LRP1B: variants seen among roughly 807,000 people sequenced by gnomAD.
LRP1B encodes the protein low-density lipoprotein receptor-related protein 1B.
A neutral mutation model predicts 556.6 loss-of-function variants in LRP1B; 217 were observed. The ratio of observed to expected loss-of-function variants is 0.39; its 90% CI spans 0.35 to 0.44. The LOEUF (loss-of-function observed/expected upper bound fraction) is 0.44, where lower values mean the gene tolerates loss of function less well. Ranked by LOEUF, LRP1B falls within the 20% of genes least tolerant of loss-of-function variation. The pLI, the probability that LRP1B is intolerant of heterozygous loss-of-function variation, is 1.00. For missense variants in LRP1B, 5,053 were observed against 5,620.8 expected (o/e 0.90, Z 3.23); for synonymous variants, 2,047 against 1,865.8 (o/e 1.10, Z -2.50).
chr2:141,507,052 T>C (rs1165605141), intron 2 of LRP1B, among the ~76,000 whole-genome samples: 5 of 152,160 alleles, frequency 3.3e-5, no homozygotes, highest in Admixed American at 3.3e-4. Flanking sequence ...TCATCTCAAA[T>C]GGTTGTATGT....
At chr2:141,606,386 C>T (rs1181032526) in intron 2 of LRP1B, among the ~76,000 whole-genome samples, 1 of 152,042 alleles carries the variant, frequency 6.6e-6, no homozygotes, top group East Asian at 1.9e-4. Flanking sequence ...TAATATAAAA[C>T]ATTAAGCTAA....
chr2:141,018,567 A>G (rs1319514410), intron 12 of LRP1B, among the ~76,000 whole-genome samples: 1 of 152,108 alleles, frequency 6.6e-6, no homozygotes, highest in Non-Finnish European at 1.5e-5. Flanking sequence ...TTTCTTCTAA[A>G]TTATATGTTT....
chr2:140,889,608 T>C (rs1693739575), intron 23 of LRP1B, among the ~76,000 whole-genome samples: 1 of 152,168 alleles, frequency 6.6e-6, no homozygotes, highest in Admixed American at 6.5e-5. Context: ...TTCTTAAACA[T>C]TTATAAATCC....
chr2:140,671,508 G>A (rs1476530049), intron 41 of LRP1B, among the ~76,000 whole-genome samples: 5 of 152,088 alleles, frequency 3.3e-5, no homozygotes, highest in Non-Finnish European at 2.9e-5. Flanking sequence ...GCAACAGAGC[G>A]AGACTCCATC....
chr2:140,312,963 G>C (rs1684373716), intron 83 of LRP1B, among the ~76,000 whole-genome samples: 1 of 151,852 alleles, frequency 6.6e-6, no homozygotes, highest in South Asian at 2.1e-4. Flanking sequence ...TAGTTATATA[G>C]TGTCCACACA....
rs1700987223 is a variant in LRP1B, at chr2:141,947,509, C to G, written c.83-137108G>C. The stretch of plus-strand genomic sequence containing the variant: ...ACTGTGCCCAAAACACCAAATGTCT[C>G]TTATGAGGTAGGTATAACACTAGTG... On this transcript the variant is annotated intron_variant, in intron 1 of 90. Coordinates refer to ENST00000389484, the MANE Select transcript of LRP1B (RefSeq NM_018557.3). 7.2e-5 allele frequency among the ~76,000 whole-genome samples: 11 copies of G among 151,970 alleles called. No homozygotes were observed. The South Asian group carries it at 2.3e-3, about 32-fold the overall frequency.
intron 2 of LRP1B, among the ~76,000 whole-genome samples, chr2:141,492,091 A>AAAAAAAAAAAAAAAAAAAAAAAAAAAC (rs67960557): frequency 4.0e-5 from 4 of 100,192 alleles, no homozygotes; most frequent in East Asian, 3.1e-4. Flanking sequence ...AAAAAAAAAA[A>AAAAAAAAAAAAAAAAAAAAAAAAAAAC]CACTAAGAAA....
intron 2 of LRP1B, among the ~76,000 whole-genome samples, chr2:141,599,217 A>C (rs1687645933): frequency 6.6e-6 from 1 of 151,884 alleles, no homozygotes; most frequent in Non-Finnish European, 1.5e-5. Context: ...GTTACTGCCA[A>C]ATTGGTCTGG....
intron 49 of LRP1B, among the ~76,000 whole-genome samples, chr2:140,521,505 A>G (rs1690172074): frequency 6.6e-6 from 1 of 152,036 alleles, no homozygotes; most frequent in Non-Finnish European, 1.5e-5. Context: ...GGACTAGATC[A>G]CCACCAGATC....
intron 5 of LRP1B, among the ~76,000 whole-genome samples, chr2:141,239,490 G>A (rs1469553808): frequency 2.0e-5 from 3 of 152,060 alleles, no homozygotes; most frequent in African/African-American, 7.2e-5. Flanking sequence ...GTATGCTGAT[G>A]TGAATGACCT....
At chr2:141,416,349 T>C (rs939951207) in intron 3 of LRP1B, among the ~76,000 whole-genome samples, 1 of 152,034 alleles carries the variant, frequency 6.6e-6, no homozygotes, top group Non-Finnish European at 1.5e-5. Flanking sequence ...AATAATAATA[T>C]CTCTTTCATA....
At chr2:141,036,097 A>G (rs530985306) in intron 11 of LRP1B, among the ~76,000 whole-genome samples, 11 of 152,246 alleles carry the variant, frequency 7.2e-5, no homozygotes, top group Admixed American at 2.6e-4. Flanking sequence ...CTTGAATCCA[A>G]ACAAAAGCTT....
intron 41 of LRP1B, among the ~76,000 whole-genome samples, chr2:140,672,515 G>C (rs1367910395): frequency 7.5e-6 from 1 of 132,752 alleles, no homozygotes; most frequent in Admixed American, 7.3e-5. Flanking sequence ...AAATTCACCA[G>C]TTCCAAGCAA....
At chr2:141,371,513 A>T (rs572534528) in intron 3 of LRP1B, among the ~76,000 whole-genome samples, 1 of 152,254 alleles carries the variant, frequency 6.6e-6, no homozygotes, top group Admixed American at 6.5e-5. Flanking sequence ...TGACCACGGG[A>T]TGTTATTCCA....
chr2:140,311,684 A>G (rs866713084), intron 83 of LRP1B, among the ~76,000 whole-genome samples: 1 of 152,054 alleles, frequency 6.6e-6, no homozygotes, highest in Middle Eastern at 3.4e-3. Flanking sequence ...AAAAAGCCCA[A>G]AAAAGGCAAG....
At chr2:141,050,056 G>T (rs1318264864) in intron 10 of LRP1B, among the ~76,000 whole-genome samples, 4 of 151,652 alleles carry the variant, frequency 2.6e-5, no homozygotes, top group African/African-American at 9.7e-5. Context: ...AATTTTAAAG[G>T]AAATAGTTTT....
intron 87 of LRP1B, among the ~76,000 whole-genome samples, chr2:140,243,118 G>A (rs185903741): frequency 1.7e-3 from 258 of 151,062 alleles, no homozygotes; most frequent in African/African-American, 6.0e-3. Flanking sequence ...AGATCATTTG[G>A]GAACTGAGCT....
At chr2:141,753,170 C>A (rs1362123357) in intron 2 of LRP1B, among the ~76,000 whole-genome samples, 1 of 144,006 alleles carries the variant, frequency 6.9e-6, no homozygotes, top group African/African-American at 2.6e-5. Flanking sequence ...ATCGCTTGAA[C>A]CTGGGAGGGG....
intron 2 of LRP1B, among the ~76,000 whole-genome samples, chr2:141,571,586 C>T (rs1056032558): frequency 3.3e-5 from 5 of 151,964 alleles, no homozygotes; most frequent in South Asian, 4.2e-4. Context: ...ATCAAATCGG[C>T]GAATTAACAG....
Sources: gnomAD v4.1 joint callset for allele counts (sites outside exome capture counted in the v4.1 genomes callset) on GRCh38, gnomAD v4.1.1 for gene constraint, MANE v1.5 for transcripts, NCBI Gene and HGNC (gene_info 2026-07-23, HGNC 2026-07-21) for gene names.